The following NCKAP5 variants were observed in gnomAD, a reference collection of about 807,000 sequenced individuals.
NCKAP5 encodes NCK associated protein 5.
A neutral mutation model predicts 167.0 loss-of-function variants in NCKAP5; 92 were observed. The observed-to-expected ratio is 0.55, with a 90% confidence interval of 0.47 to 0.66. The LOEUF (loss-of-function observed/expected upper bound fraction) is 0.66. NCKAP5 is among the 30% of genes least tolerant of loss of function. NCKAP5 has a pLI of 0.00. For missense variants in NCKAP5, 2,378 were observed against 2,315.0 expected, an observed-to-expected ratio of 1.03 and a Z score of -0.56; for synonymous variants, 891 against 877.4, an observed-to-expected ratio of 1.02 and a Z score of -0.27.
intron 3 of NCKAP5, among the ~76,000 whole-genome samples, chr2:133,491,250 A>T (rs1030575915): frequency 6.6e-6 from 1 of 152,216 alleles, no homozygotes; most frequent in Non-Finnish European, 1.5e-5. Context: ...TGGATAATAC[A>T]CACGTAAATA....
intron 8 of NCKAP5, among the ~76,000 whole-genome samples, chr2:132,941,679 G>T (rs990499172): frequency 6.6e-6 from 1 of 152,112 alleles, no homozygotes; most frequent in Non-Finnish European, 1.5e-5. Flanking sequence ...TGATAACACT[G>T]GATGTTACAT....
chr2:133,231,791 T>C (rs1453679984), intron 4 of NCKAP5, among the ~76,000 whole-genome samples: 1 of 152,110 alleles, frequency 6.6e-6, no homozygotes, highest in African/African-American at 2.4e-5. Context: ...ATCTCTAAAT[T>C]TGCTTGTCTG....
At chr2:132,704,464 G>C (rs1030020170) in intron 19 of NCKAP5, among the ~76,000 whole-genome samples, 1 of 152,158 alleles carries the variant, frequency 6.6e-6, no homozygotes, top group Non-Finnish European at 1.5e-5. Context: ...GTGAACACCT[G>C]AGCTGTGATC....
At chr2:133,064,680 G>A (rs542321704) in intron 6 of NCKAP5, among the ~76,000 whole-genome samples, 1 of 152,140 alleles carries the variant, frequency 6.6e-6, no homozygotes, top group African/African-American at 2.4e-5. Flanking sequence ...TCGTTGCTCT[G>A]GGTGGGGATA....
intron 3 of NCKAP5, among the ~76,000 whole-genome samples, chr2:133,356,433 T>C (rs997057647): frequency 1.3e-5 from 2 of 152,112 alleles, no homozygotes; most frequent in East Asian, 3.9e-4. Context: ...TAATCCCCAT[T>C]TTCTCCACTT....
chr2:133,490,320 T>C (rs1024074302), intron 3 of NCKAP5, among the ~76,000 whole-genome samples: 1 of 152,154 alleles, frequency 6.6e-6, no homozygotes, highest in Non-Finnish European at 1.5e-5. Flanking sequence ...CTAGATCCTT[T>C]AGGGAACACC....
chr2:133,135,323 G>A (rs988029378), intron 5 of NCKAP5, among the ~76,000 whole-genome samples: 13 of 152,152 alleles, frequency 8.5e-5, no homozygotes, highest in East Asian at 7.7e-4. Flanking sequence ...GCCCTTTGTC[G>A]TGTAGGGAGG....
At chr2:132,900,436 T>C (rs1359827252) in intron 8 of NCKAP5, among the ~76,000 whole-genome samples, 1 of 152,168 alleles carries the variant, frequency 6.6e-6, no homozygotes, top group Non-Finnish European at 1.5e-5. Flanking sequence ...CTAAATGTCC[T>C]GTGTGAGAGA....
At chr2:132,695,219 A>C (rs1020443104) in intron 19 of NCKAP5, among the ~76,000 whole-genome samples, 1 of 152,204 alleles carries the variant, frequency 6.6e-6, no homozygotes, top group Admixed American at 6.5e-5. Context: ...TCCTGAATAA[A>C]GTTGTGGATC....
intron 3 of NCKAP5, among the ~76,000 whole-genome samples, chr2:133,318,450 T>A (rs1158174886): frequency 6.6e-6 from 1 of 152,210 alleles, no homozygotes; most frequent in Non-Finnish European, 1.5e-5. Flanking sequence ...ATACTGTGAT[T>A]AAAAAGTGCT....
chr2:132,698,721 C>T (rs1052456203), intron 19 of NCKAP5, among the ~76,000 whole-genome samples: 6 of 152,128 alleles, frequency 3.9e-5, no homozygotes, highest in Non-Finnish European at 8.8e-5. Context: ...GTAGTCCCAA[C>T]TACTCAGGAG....
chr2:132,864,935 A>C (rs996001253), intron 10 of NCKAP5, among the ~76,000 whole-genome samples: 1 of 152,144 alleles, frequency 6.6e-6, no homozygotes, highest in Non-Finnish European at 1.5e-5. Flanking sequence ...AAACCAAGGC[A>C]CTGCACAAAA....
intron 9 of NCKAP5, among the ~76,000 whole-genome samples, chr2:132,873,930 G>A (rs563983673): frequency 4.5e-4 from 68 of 152,116 alleles, no homozygotes; most frequent in South Asian, 6.2e-4. Context: ...AGTGTGGGCC[G>A]GGAATCTGCT....
intron 3 of NCKAP5, among the ~76,000 whole-genome samples, chr2:133,409,031 G>C (rs1451019296): frequency 6.6e-6 from 1 of 152,216 alleles, no homozygotes; most frequent in Non-Finnish European, 1.5e-5. Flanking sequence ...TGTTACCACA[G>C]TAAAAGCTAA....
chr2:133,115,483 T>G (rs958115189), intron 6 of NCKAP5, among the ~76,000 whole-genome samples: 12 of 152,104 alleles, frequency 7.9e-5, no homozygotes, highest in Non-Finnish European at 1.5e-4. Flanking sequence ...ATTTACTGGT[T>G]TTGCTTTCAA....
At chr2:133,056,892 T>TG (rs141071040) in intron 6 of NCKAP5, among the ~76,000 whole-genome samples, 1,631 of 148,686 alleles carry the variant, frequency 0.011, 19 homozygotes, top group African/African-American at 0.039. Context: ...GCTTTGCAGA[T>TG]TTTTTTTTAA....
chr2:133,196,156 A>G (rs1574343221), intron 5 of NCKAP5, among the ~76,000 whole-genome samples: 5 of 152,244 alleles, frequency 3.3e-5, no homozygotes, highest in South Asian at 2.1e-4. Context: ...TCCTCTACCC[A>G]CCTGCCAATG....
At chr2:132,704,437 T>C (rs772522345) in intron 19 of NCKAP5, among the ~76,000 whole-genome samples, 4 of 152,198 alleles carry the variant, frequency 2.6e-5, no homozygotes, top group Non-Finnish European at 5.9e-5. Flanking sequence ...ATCTTGATGA[T>C]TTCAATGCCA....
chr2:133,517,112 T>A (rs1684066207), intron 3 of NCKAP5, among the ~76,000 whole-genome samples: 1 of 152,204 alleles, frequency 6.6e-6, no homozygotes, highest in Non-Finnish European at 1.5e-5. Context: ...CCCCCAAGGT[T>A]AAGATAAATG....
Sources: allele counts gnomAD v4.1 joint callset (sites outside exome capture counted in the v4.1 genomes callset), GRCh38; gene constraint gnomAD v4.1.1; transcripts MANE v1.5; gene names NCBI Gene and HGNC (gene_info 2026-07-23, HGNC 2026-07-21).